The following TYROBP variants were observed in gnomAD, a reference collection of about 807,000 sequenced individuals.
TYROBP encodes the protein TYRO protein tyrosine kinase-binding protein.
A neutral mutation model predicts 17.1 loss-of-function variants in TYROBP; 14 were observed. The ratio of observed to expected loss-of-function variants is 0.82; its 90% confidence interval spans 0.54 to 1.28. The LOEUF (loss-of-function observed/expected upper bound fraction) is 1.28. Among genes scored for constraint, TYROBP ranks in the 50% most tolerant of loss-of-function variants. The pLI, the probability that TYROBP is intolerant of heterozygous loss-of-function variation, is 0.00. For synonymous variants in TYROBP, 73 were observed against 67.4 expected (o/e 1.08, Z -0.41); for missense variants, 161 against 151.4 (o/e 1.06, Z -0.33).
rs748132054 is a variant in TYROBP at position 35,907,271 on chromosome 19, G to C, written c.230-7C>G. Reference sequence around the variant, plus strand: ...CGCTGTTTCCGGGTCGCTGCTGGAGGTGAGGGGTGTTGTGGGGTGCAGAGA... The same window carrying C: ...CGCTGTTTCCGGGTCGCTGCTGGAGCTGAGGGGTGTTGTGGGGTGCAGAGA... On this transcript the variant is annotated splice_polypyrimidine_tract_variant and splice_region_variant and intron_variant, in intron 3 of 4. Coordinates refer to ENST00000262629, the MANE Select transcript of TYROBP (RefSeq NM_003332.4). 1 of 1,611,522 alleles carries C rather than the reference G, an allele frequency of 6.2e-7. No individual in the cohort carries two copies. Among genetic ancestry groups the C allele is most frequent in the Non-Finnish European group, 8.5e-7 (1 of 1,179,022 alleles).
rs573318524 is a variant in TYROBP, at chr19:35,907,239, A to G, written c.255T>C (p.Thr85=). ...TCACCTGATAAGGCGACTCGGTCTCAGTGATACGCTGTTTCCGGGTCGCTG... is the reference window on the plus strand; with the variant it reads ...TCACCTGATAAGGCGACTCGGTCTCGGTGATACGCTGTTTCCGGGTCGCTG... ...AEAATRKQRI[T]ETESPYQELQ... Residue 85 remains threonine, a synonymous_variant, in exon 4 of 5, where the codon ACT becomes ACC. Transcript: ENST00000262629. 44 of 1,607,914 alleles carry G rather than the reference A, an allele frequency of 2.7e-5. 1 individual carries two copies. The South Asian group carries it at 4.7e-4, about 17-fold the overall frequency.
intron 2 of TYROBP, 55 bp downstream of exon 2, chr19:35,907,675 G>A (rs1365876286): frequency 8.7e-6 from 14 of 1,612,318 alleles, no homozygotes; most frequent in Middle Eastern, 1.6e-4. Context: ...TGGGAGAGAC[G>A]GAGACAGGGA....
At chr19:35,906,645 G>A (rs992550859) in intron 4 of TYROBP, among the ~76,000 whole-genome samples, 4 of 151,580 alleles carry the variant, frequency 2.6e-5, no homozygotes, top group African/African-American at 9.7e-5. Flanking sequence ...GTTTCTTCCA[G>A]AAAATTCCTG....
intron 4 of TYROBP, 141 bp from the exon 5 acceptor site, chr19:35,904,775 T>A (rs1254594012): frequency 2.7e-6 from 2 of 743,684 alleles, no homozygotes; most frequent in Non-Finnish European, 4.6e-6. Context: ...ACATTCAATG[T>A]TCCCCCTTCT....
chr19:35,906,020 C>T (rs1478263674), intron 4 of TYROBP, among the ~76,000 whole-genome samples: 1 of 151,660 alleles, frequency 6.6e-6, no homozygotes, highest in Non-Finnish European at 1.5e-5. Flanking sequence ...AGCATGGTTG[C>T]TTGAGCCTGT....
At position 35,904,617 on chromosome 19, in the gene TYROBP, C is replaced by T. The variant is rs760562825; in HGVS notation, c.294G>A (p.Arg98=). 1.3e-5 allele frequency: 21 copies of T among 1,613,242 alleles called. No individual in the cohort carries two copies. In the South Asian group the frequency reaches 2.2e-4, roughly 17 times the overall value. ...ESPYQELQGQ[R]SDVYSDLNTQ... ...TGTTGAGGTCGCTGTAGACATCCGA[C>T]CTCTGACCCTGGAGCTCCTAAAGGA... Residue 98 remains arginine, a synonymous_variant, in exon 5 of 5, where the codon AGG becomes AGA. Coordinates refer to ENST00000262629, the MANE Select transcript of TYROBP (RefSeq NM_003332.4).
intron 4 of TYROBP, among the ~76,000 whole-genome samples, chr19:35,905,374 A>G (rs1975696132): frequency 6.6e-6 from 1 of 152,226 alleles, no homozygotes; most frequent in South Asian, 2.1e-4. Context: ...CAGAAACCCT[A>G]AAATCATATA....
chr19:35,908,120 A>G lies in TYROBP; in HGVS notation c.61+48T>C, dbSNP rs1388514664. ...CCACCCCACTCCCTGCCCTGCCCCA[A>G]GCTGAGCCCAGGGACCCGGGAGGCA... On this transcript the variant is annotated intron_variant, in intron 1 of 4. Coordinates refer to ENST00000262629, the MANE Select transcript of TYROBP (RefSeq NM_003332.4). The G allele has an allele frequency of 3.2e-6, 5 of 1,562,226 alleles. No homozygotes were observed. The East Asian group carries it at 1.1e-4, about 35-fold the overall frequency.
chr19:35,905,809 C>T (rs113607493), intron 4 of TYROBP, among the ~76,000 whole-genome samples: 8,307 of 151,584 alleles, frequency 0.055, 331 homozygotes, highest in African/African-American at 0.12. Flanking sequence ...AAAAATTAGC[C>T]GGGTGTGGTG....
chr19:35,907,985 G>C (rs560431257), intron 1 of TYROBP, among the ~76,000 whole-genome samples, 183 bp downstream of exon 1: 158 of 152,220 alleles, frequency 1.0e-3, no homozygotes, highest in Middle Eastern at 0.01. Context: ...CTTCTCCCCT[G>C]CTTGTAGCGG....
Position 35,908,148 on chromosome 19 carries a change from C to A in TYROBP, c.61+20G>T, listed in dbSNP as rs368573395. On this transcript the variant is annotated intron_variant, in intron 1 of 4. Coordinates refer to ENST00000262629, the MANE Select transcript of TYROBP (RefSeq NM_003332.4). ...TGAGCCCAGGGACCCGGGAGGCAGC[C>A]ACGGAAGCCCCTAACTCACCACTTA... The A allele has an allele frequency of 6.2e-7, 1 of 1,612,528 alleles. No homozygotes were observed. The highest frequency in any genetic ancestry group is 1.3e-5 in the African/African-American group (1 of 74,978).
intron 4 of TYROBP, among the ~76,000 whole-genome samples, 199 bp from the exon 5 acceptor site, chr19:35,904,833 G>A (rs945231302): frequency 6.6e-6 from 1 of 151,864 alleles, no homozygotes; most frequent in African/African-American, 2.4e-5. Context: ...TGCGTGTGCT[G>A]TTTCCTCTGC....
At position 35,907,453 on chromosome 19, in the gene TYROBP, A is replaced by G. The variant is rs772952999; in HGVS notation, c.222T>C (p.Ala74=). The G allele has an allele frequency of 2.8e-5, 45 of 1,611,582 alleles. No individual in the cohort carries two copies. In the Admixed American group the frequency reaches 3.3e-4, roughly 12 times the overall value. ...LGRLVPRGRG[A]AEAATRKQRI... ...CCTGCTAGCCCCACTCACCCTCCGC[A>G]GCCCCTCGCCCCCGAGGGACCAGCC... The change falls in exon 3 of 5, where the codon GCT becomes GCC. Residue 74 remains alanine (A), a synonymous_variant. Coordinates refer to ENST00000262629, the MANE Select transcript of TYROBP (RefSeq NM_003332.4).
chr19:35,904,602 G>T lies in TYROBP; in HGVS notation c.309C>A (p.Ser103Arg). ...AATACGGCCTCTGTGTGTTGAGGTCGCTGTAGACATCCGACCTCTGACCCT... is the reference window on the plus strand; with the variant it reads ...AATACGGCCTCTGTGTGTTGAGGTCTCTGTAGACATCCGACCTCTGACCCT... ...ELQGQRSDVYSDLNTQRPYYK is the reference protein window; with the variant it reads ...ELQGQRSDVYRDLNTQRPYYK Residue 103 changes from serine to arginine, a missense_variant, in exon 5 of 5, where the codon AGC (serine) becomes AGA (arginine). Transcript: ENST00000262629. 1 of 1,613,498 alleles carries T rather than the reference G, an allele frequency of 6.2e-7. No individual in the cohort carries two copies. The highest frequency in any genetic ancestry group is 8.5e-7 in the Non-Finnish European group (1 of 1,179,834).
intron 2 of TYROBP, 28 bp from the exon 3 acceptor site, chr19:35,907,608 G>A: frequency 6.2e-7 from 1 of 1,614,092 alleles, no homozygotes; most frequent in Non-Finnish European, 8.5e-7. Flanking sequence ...GGGGAGGTCA[G>A]TGTGTGCTGG....
In TYROBP at chr19:35,907,454, G is replaced by GC; in HGVS notation, c.220dup (p.Ala74GlyfsTer13). 1 of 1,612,800 alleles carries GC rather than the reference G, an allele frequency of 6.2e-7. No homozygotes were observed. The highest frequency in any genetic ancestry group is 2.2e-5 in the East Asian group (1 of 44,850). Reference sequence around the variant, plus strand: ...CTGCTAGCCCCACTCACCCTCCGCAGCCCCTCGCCCCCGAGGGACCAGCCG... The same window carrying GC: ...CTGCTAGCCCCACTCACCCTCCGCAGCCCCCTCGCCCCCGAGGGACCAGCCG... On this transcript the variant is annotated frameshift_variant, in exon 3 of 5. Coordinates refer to ENST00000262629, the MANE Select transcript of TYROBP (RefSeq NM_003332.4). LOFTEE classifies it high-confidence loss of function.
intron 4 of TYROBP, among the ~76,000 whole-genome samples, chr19:35,906,467 G>A (rs1231903375): frequency 1.3e-5 from 2 of 152,002 alleles, no homozygotes; most frequent in African/African-American, 2.4e-5. Flanking sequence ...TTTTTGTGTA[G>A]ATTTTTCTGG....
rs377715073 is a variant in TYROBP, at chr19:35,907,674, C to T, written c.94+56G>A. On this transcript the variant is annotated intron_variant, in intron 2 of 4. Transcript: ENST00000262629. ...AGGTTTGGAAAGGGTGTGGGAGAGACGGAGACAGGGAGGTCTCTGGGAGGT... is the reference window on the plus strand; with the variant it reads ...AGGTTTGGAAAGGGTGTGGGAGAGATGGAGACAGGGAGGTCTCTGGGAGGT... 42 of 1,613,292 alleles carry T rather than the reference C, an allele frequency of 2.6e-5. No homozygotes were observed. The African/African-American group carries it at 3.2e-4, about 12-fold the overall frequency.
Position 35,904,542 on chromosome 19 carries a change from C to T in TYROBP, c.*27G>A. 4 of 1,611,796 alleles carry T rather than the reference C, an allele frequency of 2.5e-6. No homozygotes were observed. Among genetic ancestry groups the T allele is most frequent in the Non-Finnish European group, 2.5e-6 (3 of 1,178,826 alleles). On this transcript the variant is annotated 3_prime_UTR_variant, in exon 5 of 5. Coordinates refer to ENST00000262629, the MANE Select transcript of TYROBP (RefSeq NM_003332.4). The stretch of plus-strand genomic sequence containing the variant: ...TTCAGGAATGGCTGGATCCAGGTAT[C>T]ATGTTGCTGACTGTCATGATTCGGG...
Sources: allele counts gnomAD v4.1 joint callset (sites outside exome capture counted in the v4.1 genomes callset), GRCh38; gene constraint gnomAD v4.1.1; transcripts MANE v1.5; gene names NCBI Gene and HGNC (gene_info 2026-07-23, HGNC 2026-07-21).